UVRAG: variants seen among roughly 807,000 people sequenced by gnomAD.
UVRAG encodes UV radiation resistance-associated gene protein.
A neutral mutation model predicts 78.0 loss-of-function variants in UVRAG; 19 were observed. The observed-to-expected ratio is 0.24, with a 90% confidence interval of 0.17 to 0.36. The LOEUF (loss-of-function observed/expected upper bound fraction) is 0.36, where lower values mean the gene tolerates loss of function less well. Among genes scored for constraint, UVRAG ranks in the 10% least tolerant of loss-of-function variants. The pLI is 1.00. For missense variants in UVRAG, 740 were observed against 853.8 expected (o/e 0.87, Z 1.66); for synonymous variants, 323 against 324.6 (o/e 1.00, Z 0.05).
At chr11:75,889,894 G>A (rs992547285) in intron 5 of UVRAG, among the ~76,000 whole-genome samples, 5 of 152,212 alleles carry the variant, frequency 3.3e-5, no homozygotes, top group Non-Finnish European at 5.9e-5. Flanking sequence ...TATTCTAAGG[G>A]CTCAAGAAAG....
chr11:75,881,902 G>GGAAAT (rs1323222798), intron 4 of UVRAG, among the ~76,000 whole-genome samples: 1 of 152,060 alleles, frequency 6.6e-6, no homozygotes, highest in African/African-American at 2.4e-5. Context: ...AGAAACTTTA[G>GGAAAT]GAAATGATTC....
intron 14 of UVRAG, chr11:76,137,105 CAT>C (rs1250636925): frequency 1.2e-4 from 27 of 231,260 alleles, no homozygotes; most frequent in African/African-American, 5.8e-4. Context: ...TTACCAAACT[CAT>C]ATAATAAATA....
chr11:75,885,581 A>G (rs1295063088), intron 4 of UVRAG, among the ~76,000 whole-genome samples: 1 of 152,144 alleles, frequency 6.6e-6, no homozygotes, highest in Non-Finnish European at 1.5e-5. Flanking sequence ...TAATCCTAGC[A>G]GCTGTCTTAA....
At chr11:76,092,499 G>T (rs998816116) in intron 13 of UVRAG, among the ~76,000 whole-genome samples, 50 of 152,194 alleles carry the variant, frequency 3.3e-4, no homozygotes, top group African/African-American at 1.1e-3. Context: ...TCCAGCACCT[G>T]TTGTTTCCTG....
chr11:76,129,192 C>G (rs1219305165), intron 14 of UVRAG, among the ~76,000 whole-genome samples: 1 of 152,176 alleles, frequency 6.6e-6, no homozygotes, highest in Non-Finnish European at 1.5e-5. Context: ...GATTTGAGCC[C>G]AGGCAGAGCA....
At chr11:75,977,515 T>C (rs1224487397) in intron 7 of UVRAG, among the ~76,000 whole-genome samples, 2 of 152,206 alleles carry the variant, frequency 1.3e-5, no homozygotes, top group African/African-American at 4.8e-5. Context: ...TAAGTCTCTT[T>C]GTAGGTCTCT....
chr11:75,887,304 C>G (rs2134921075), intron 4 of UVRAG, among the ~76,000 whole-genome samples: 1 of 151,812 alleles, frequency 6.6e-6, no homozygotes, highest in Admixed American at 6.6e-5. Context: ...CGCCACCATG[C>G]CCGGCTAAAT....
chr11:76,115,672 G>T (rs145477871), intron 13 of UVRAG, among the ~76,000 whole-genome samples: 1 of 152,122 alleles, frequency 6.6e-6, no homozygotes, highest in Non-Finnish European at 1.5e-5. Context: ...AGTTTAGGGG[G>T]CAAGAGAACA....
intron 7 of UVRAG, among the ~76,000 whole-genome samples, chr11:75,977,492 T>A (rs1345691454): frequency 1.3e-5 from 2 of 152,192 alleles, no homozygotes; most frequent in African/African-American, 4.8e-5. Context: ...CCCATTATTA[T>A]TGTGTGGGAC....
chr11:75,953,791 A>T (rs1205115099), intron 6 of UVRAG, among the ~76,000 whole-genome samples: 1 of 152,166 alleles, frequency 6.6e-6, no homozygotes, highest in Non-Finnish European at 1.5e-5. Flanking sequence ...ATAGGAATGC[A>T]TCTCTTTCCT....
intron 13 of UVRAG, among the ~76,000 whole-genome samples, chr11:76,109,184 A>G (rs1952026169): frequency 6.6e-6 from 1 of 152,198 alleles, no homozygotes; most frequent in African/African-American, 2.4e-5. Context: ...AGGAGCCGTA[A>G]TGTTTAGGGA....
chr11:75,873,300 A>C (rs1946692507), intron 3 of UVRAG, among the ~76,000 whole-genome samples: 1 of 152,002 alleles, frequency 6.6e-6, no homozygotes, highest in East Asian at 1.9e-4. Flanking sequence ...TTGACCCCAA[A>C]GTGATTAGGT....
chr11:76,057,758 G>C (rs191888616), intron 12 of UVRAG, among the ~76,000 whole-genome samples: 3 of 151,890 alleles, frequency 2.0e-5, no homozygotes, highest in Admixed American at 2.0e-4. Flanking sequence ...GGTAAAACAT[G>C]GTCCTTTTTA....
chr11:75,983,367 C>T lies in UVRAG; in HGVS notation c.700-20C>T. On this transcript the variant is annotated intron_variant, in intron 7 of 14. Coordinates refer to ENST00000356136, the MANE Select transcript of UVRAG (RefSeq NM_003369.4). Reference sequence around the variant, plus strand: ...ATGACATTTATATTCATAAATATACCTGTGATTTTATTTATTTAGAAAAAA... The same window carrying T: ...ATGACATTTATATTCATAAATATACTTGTGATTTTATTTATTTAGAAAAAA... 6 of 1,553,156 alleles carry T rather than the reference C, an allele frequency of 3.9e-6. No individual in the cohort carries two copies. The South Asian group carries it at 4.8e-5, about 13-fold the overall frequency.
intron 8 of UVRAG, among the ~76,000 whole-genome samples, chr11:75,990,806 A>G (rs1949590436): frequency 6.6e-6 from 1 of 152,168 alleles, no homozygotes. Context: ...CTCCTTCTCT[A>G]GACAGATTCT....
intron 6 of UVRAG, among the ~76,000 whole-genome samples, chr11:75,944,772 T>C (rs1948557112): frequency 6.6e-6 from 1 of 152,166 alleles, no homozygotes; most frequent in East Asian, 1.9e-4. Context: ...AAGATAGAAT[T>C]ATATTCAGCT....
chr11:75,956,575 G>T lies in UVRAG; in HGVS notation c.594-4869G>T, dbSNP rs569831218. On this transcript the variant is annotated intron_variant, in intron 6 of 14. Coordinates refer to ENST00000356136, the MANE Select transcript of UVRAG (RefSeq NM_003369.4). ...TAACTTTTTGTATTTTAGTAGAGAC[G>T]GGGTTTCACCATGTTGGCCAGGATG... is the stretch of plus-strand genomic sequence containing the variant. Among the ~76,000 whole-genome samples, 281 of 152,002 alleles carry T rather than the reference G, an allele frequency of 1.8e-3. 1 individual carries two copies. The highest frequency in any genetic ancestry group is 3.4e-3 in the Middle Eastern group (1 of 294).
At chr11:75,841,308 T>C (rs1945901986) in intron 1 of UVRAG, among the ~76,000 whole-genome samples, 1 of 152,228 alleles carries the variant, frequency 6.6e-6, no homozygotes, top group Non-Finnish European at 1.5e-5. Context: ...TGTGACTAAC[T>C]GGCTGGTTTT....
chr11:76,032,995 A>G (rs1266581933), intron 12 of UVRAG, among the ~76,000 whole-genome samples: 5 of 152,252 alleles, frequency 3.3e-5, no homozygotes, highest in Admixed American at 2.0e-4. Flanking sequence ...TTCAAAGGAT[A>G]GAAACCTATC....
Sources: allele counts gnomAD v4.1 joint callset (sites outside exome capture counted in the v4.1 genomes callset), GRCh38; gene constraint gnomAD v4.1.1; transcripts MANE v1.5; gene names NCBI Gene and HGNC (gene_info 2026-07-23, HGNC 2026-07-21).